The following UTRN variants were observed in gnomAD, a reference collection of about 807,000 sequenced individuals.
The protein encoded by UTRN is dystrophin-related protein 1.
A neutral mutation model predicts 463.9 loss-of-function variants in UTRN; 283 were observed. That is an observed-to-expected ratio of 0.61 (90% CI 0.55 to 0.67). UTRN has a LOEUF of 0.67. Ranked by LOEUF, UTRN falls within the 30% of genes least tolerant of loss-of-function variation. UTRN has a pLI of 0.00. For missense variants in UTRN, 3,922 were observed against 4,084.3 expected, an observed-to-expected ratio of 0.96 and a Z score of 1.08; for synonymous variants, 1,442 against 1,431.5, an observed-to-expected ratio of 1.01 and a Z score of -0.17.
At chr6:144,327,236 C>A (rs1015820498) in intron 2 of UTRN, among the ~76,000 whole-genome samples, 1 of 152,096 alleles carries the variant, frequency 6.6e-6, no homozygotes, top group African/African-American at 2.4e-5. Context: ...GTGCCAGGAT[C>A]ATTTCTTTTC....
intron 2 of UTRN, among the ~76,000 whole-genome samples, chr6:144,319,580 T>C (rs774801101): frequency 2.6e-5 from 4 of 152,180 alleles, no homozygotes; most frequent in Non-Finnish European, 5.9e-5. Context: ...TCCCAAGTTA[T>C]TTTAAGTAAT....
chr6:144,731,302 T>A (rs7742656), intron 54 of UTRN, among the ~76,000 whole-genome samples: 108 of 152,220 alleles, frequency 7.1e-4, no homozygotes, highest in African/African-American at 2.4e-3. Context: ...TAAGAGAAAA[T>A]GTGTAATGAA....
In UTRN at chr6:144,495,880, G is replaced by T. The variant is rs554321159; in HGVS notation, c.4593+2424G>T. ...TAGTCCTAATGTTTTCCCATTTCAT[G>T]TAGGAAAAATGGGAAATAATAATCC... On this transcript the variant is annotated intron_variant, in intron 33 of 74. Coordinates refer to ENST00000367545, the MANE Select transcript of UTRN (RefSeq NM_007124.3). Among the ~76,000 whole-genome samples, 227 of 152,262 alleles carry T rather than the reference G, an allele frequency of 1.5e-3. 2 individuals are homozygous for T. Among genetic ancestry groups the T allele is most frequent in the African/African-American group, 5.2e-3 (215 of 41,556 alleles).
intron 2 of UTRN, among the ~76,000 whole-genome samples, chr6:144,310,946 G>A (rs534212376): frequency 5.9e-5 from 9 of 152,354 alleles, no homozygotes; most frequent in African/African-American, 1.7e-4. Flanking sequence ...TTTTCAACAG[G>A]CAGTCATGAA....
intron 54 of UTRN, among the ~76,000 whole-genome samples, chr6:144,734,074 A>G (rs190906381): frequency 3.9e-5 from 6 of 152,266 alleles, no homozygotes; most frequent in African/African-American, 1.4e-4. Flanking sequence ...ACCTATTACA[A>G]GAACATTTTT....
At chr6:144,819,716 C>A (rs1418702168) in intron 65 of UTRN, among the ~76,000 whole-genome samples, 2 of 152,028 alleles carry the variant, frequency 1.3e-5, no homozygotes, top group Non-Finnish European at 2.9e-5. Flanking sequence ...AAGTTTCTGT[C>A]TGCAAAACAA....
intron 3 of UTRN, 79 bp from the exon 4 acceptor site, chr6:144,421,799 A>C: frequency 1.0e-6 from 1 of 998,860 alleles, no homozygotes; most frequent in Non-Finnish European, 1.4e-6. Flanking sequence ...AAATGAAGCC[A>C]CTCATTTATT....
intron 58 of UTRN, among the ~76,000 whole-genome samples, chr6:144,761,627 CAGAGTGAAACTCTGTCTCCTTAA>C (rs1182549712): frequency 1.3e-5 from 2 of 151,816 alleles, no homozygotes; most frequent in African/African-American, 4.8e-5. Context: ...GTCTGGGCAA[CAGAGTGAAACTCTGTCTCCTTAA>C]AAAATAATAA....
chr6:144,657,888 T>G (rs529825147), intron 51 of UTRN, among the ~76,000 whole-genome samples: 36 of 152,268 alleles, frequency 2.4e-4, no homozygotes, highest in South Asian at 6.2e-4. Flanking sequence ...ATTTATTTTT[T>G]TGTGTGTGTG....
At chr6:144,487,342 T>A (rs1291440745) in intron 28 of UTRN, among the ~76,000 whole-genome samples, 1 of 152,168 alleles carries the variant, frequency 6.6e-6, no homozygotes, top group African/African-American at 2.4e-5. Flanking sequence ...ATATATCACT[T>A]GTGCTAATTT....
intron 39 of UTRN, among the ~76,000 whole-genome samples, chr6:144,517,208 A>C (rs1432339081): frequency 6.6e-6 from 1 of 152,008 alleles, no homozygotes; most frequent in Admixed American, 6.6e-5. Context: ...TCTATTTCAG[A>C]AGTGGCTTCC....
chr6:144,394,453 C>G (rs1301611545), intron 2 of UTRN, among the ~76,000 whole-genome samples: 3 of 152,140 alleles, frequency 2.0e-5, no homozygotes, highest in Admixed American at 6.5e-5. Flanking sequence ...GATTTATCTT[C>G]TACCAGGTTC....
chr6:144,679,030 G>A (rs1045797238), intron 52 of UTRN, among the ~76,000 whole-genome samples: 1 of 152,112 alleles, frequency 6.6e-6, no homozygotes, highest in African/African-American at 2.4e-5. Flanking sequence ...TGCCAAGTCA[G>A]AGTTTGAATC....
chr6:144,741,165 A>G (rs1222934746), intron 54 of UTRN, among the ~76,000 whole-genome samples: 1 of 152,196 alleles, frequency 6.6e-6, no homozygotes, highest in Non-Finnish European at 1.5e-5. Flanking sequence ...CTCCTCTTCA[A>G]TTAAACTCAT....
intron 54 of UTRN, among the ~76,000 whole-genome samples, chr6:144,744,352 GTA>G (rs755214897): frequency 7.4e-6 from 1 of 135,726 alleles, no homozygotes; most frequent in Non-Finnish European, 1.6e-5. Context: ...GTGTGTGTGT[GTA>G]TAAAATTTTT....
At chr6:144,780,956 C>G (rs1775776413) in intron 60 of UTRN, among the ~76,000 whole-genome samples, 2 of 152,208 alleles carry the variant, frequency 1.3e-5, no homozygotes, top group South Asian at 2.1e-4. Context: ...CTCCAGGGAG[C>G]CTTTTCCAGT....
At position 144,797,870 on chromosome 6, in the gene UTRN, T is replaced by C; in HGVS notation, c.9125T>C (p.Met3042Thr). 1.2e-6 allele frequency: 2 copies of C among 1,614,214 alleles called. No individual in the cohort carries two copies. Among genetic ancestry groups the C allele is most frequent in the Non-Finnish European group, 1.7e-6 (2 of 1,180,026 alleles). Residue 3042 changes from methionine (M) to threonine (T), a missense_variant, in exon 64 of 75, where the codon ATG (methionine) becomes ACG (threonine). Physicochemically the swap from Met to Thr is moderately conservative, Grantham distance 81. Coordinates refer to ENST00000367545, the MANE Select transcript of UTRN (RefSeq NM_007124.3). ...AGTGTGAAAGAGTTTATAGATTGGATGCATTTGGAACCACAGTCCATGGTT... is the reference window on the plus strand; with the variant it reads ...AGTGTGAAAGAGTTTATAGATTGGACGCATTTGGAACCACAGTCCATGGTT... Reference protein sequence around the residue: ...EISVKEFIDWMHLEPQSMVWL... With the variant: ...EISVKEFIDWTHLEPQSMVWL...
At chr6:144,500,412 T>C (rs1293779352) in intron 34 of UTRN, among the ~76,000 whole-genome samples, 1 of 152,198 alleles carries the variant, frequency 6.6e-6, no homozygotes, top group Non-Finnish European at 1.5e-5. Flanking sequence ...AGTATGTCCT[T>C]TTTGAAGTGT....
At chr6:144,562,994 G>A (rs1194058793) in intron 50 of UTRN, among the ~76,000 whole-genome samples, 1 of 152,080 alleles carries the variant, frequency 6.6e-6, no homozygotes, top group Admixed American at 6.6e-5. Flanking sequence ...TCACATAAAT[G>A]TCCTCTTTTG....
Sources: allele counts gnomAD v4.1 joint callset (sites outside exome capture counted in the v4.1 genomes callset), GRCh38; gene constraint gnomAD v4.1.1; transcripts MANE v1.5; gene names NCBI Gene and HGNC (gene_info 2026-07-23, HGNC 2026-07-21).